The following GRM8 variants were observed in gnomAD, a reference collection of about 807,000 sequenced individuals.
GRM8 encodes the protein metabotropic glutamate receptor 8.
Under a neutral mutation model 87.2 loss-of-function variants are expected in GRM8, and 47 were observed. The observed-to-expected ratio is 0.54, with a 90% CI of 0.43 to 0.69. The LOEUF is 0.69. Among genes scored for constraint, GRM8 ranks in the 30% least tolerant of loss-of-function variants. The pLI, the probability that GRM8 is intolerant of heterozygous loss-of-function variation, is 0.00. For synonymous variants in GRM8, 396 were observed against 404.5 expected (o/e 0.98, Z 0.25); for missense variants, 1,019 against 1,139.2 (o/e 0.89, Z 1.52).
chr7:127,080,159 G>A (rs775971616), intron 3 of GRM8, among the ~76,000 whole-genome samples: 3 of 152,138 alleles, frequency 2.0e-5, no homozygotes, highest in Non-Finnish European at 4.4e-5. Context: ...TTGGGAAGGG[G>A]GAGGCAGAGG....
At chr7:126,920,157 G>T (rs527986559) in intron 3 of GRM8, among the ~76,000 whole-genome samples, 2 of 152,086 alleles carry the variant, frequency 1.3e-5, no homozygotes, top group Admixed American at 1.3e-4. Flanking sequence ...TCCATTCACC[G>T]TGTGAGAACA....
intron 7 of GRM8, among the ~76,000 whole-genome samples, chr7:126,623,630 C>T (rs1330115794): frequency 6.6e-6 from 1 of 152,178 alleles, no homozygotes; most frequent in East Asian, 1.9e-4. Flanking sequence ...TCTCATCTGG[C>T]CTCCTCTTCA....
chr7:126,718,065 T>C (rs538117475), intron 7 of GRM8, among the ~76,000 whole-genome samples: 2 of 151,700 alleles, frequency 1.3e-5, no homozygotes, highest in Non-Finnish European at 2.9e-5. Flanking sequence ...ACCCCGTCTC[T>C]ACTAAAAAAA....
At chr7:126,937,821 A>G (rs1471491665) in intron 3 of GRM8, among the ~76,000 whole-genome samples, 1 of 152,178 alleles carries the variant, frequency 6.6e-6, no homozygotes, top group Non-Finnish European at 1.5e-5. Flanking sequence ...AGAGGCCTAG[A>G]CATATCCCAG....
intron 2 of GRM8, among the ~76,000 whole-genome samples, chr7:127,143,029 AC>A (rs1463266887): frequency 2.0e-4 from 30 of 152,236 alleles, no homozygotes; most frequent in Non-Finnish European, 1.5e-5. Context: ...ACAGTGGAAA[AC>A]CCTAGAGGGG....
At chr7:126,617,172 T>C (rs1350067483) in intron 7 of GRM8, among the ~76,000 whole-genome samples, 2 of 152,148 alleles carry the variant, frequency 1.3e-5, no homozygotes, top group Admixed American at 1.3e-4. Flanking sequence ...AAAAAGTTTA[T>C]CCACCATGAT....
chr7:126,532,764 G>T (rs1175834427), intron 9 of GRM8, among the ~76,000 whole-genome samples, 188 bp downstream of exon 9: 12 of 110,966 alleles, frequency 1.1e-4, no homozygotes, highest in Non-Finnish European at 1.8e-4. Flanking sequence ...GACGGATGGA[G>T]ATATATATAT....
intron 6 of GRM8, among the ~76,000 whole-genome samples, chr7:126,776,313 A>C (rs751309020): frequency 1.2e-4 from 18 of 152,116 alleles, no homozygotes; most frequent in Admixed American, 3.9e-4. Context: ...AAATTGACAG[A>C]ATCTAACTAT....
chr7:126,508,594 ATTAT>A (rs1259040541), intron 9 of GRM8, among the ~76,000 whole-genome samples: 1 of 152,030 alleles, frequency 6.6e-6, no homozygotes, highest in Non-Finnish European at 1.5e-5. Flanking sequence ...GTGCAGTAAA[ATTAT>A]TTGTTGTATT....
At chr7:127,120,871 A>C (rs1827048297) in intron 2 of GRM8, among the ~76,000 whole-genome samples, 1 of 152,176 alleles carries the variant, frequency 6.6e-6, no homozygotes, top group South Asian at 2.1e-4. Context: ...ATTATGTTTC[A>C]GTTCTTGCAT....
chr7:126,706,821 A>C (rs1162566990), intron 7 of GRM8, among the ~76,000 whole-genome samples: 2 of 152,176 alleles, frequency 1.3e-5, no homozygotes, highest in Admixed American at 1.3e-4. Flanking sequence ...CATTATGTGA[A>C]TTCTTCACAT....
chr7:126,639,088 CG>C (rs918101500), intron 7 of GRM8, among the ~76,000 whole-genome samples: 10 of 152,300 alleles, frequency 6.6e-5, no homozygotes, highest in South Asian at 6.2e-4. Flanking sequence ...ACCTAAAATG[CG>C]TATCTGTCTT....
chr7:126,557,267 C>T (rs1793248562), intron 8 of GRM8, among the ~76,000 whole-genome samples: 2 of 152,172 alleles, frequency 1.3e-5, no homozygotes, highest in Admixed American at 1.3e-4. Context: ...TAGGGTAAGA[C>T]TGGATAATGC....
intron 3 of GRM8, among the ~76,000 whole-genome samples, chr7:127,028,703 C>T (rs1042166075): frequency 1.3e-5 from 2 of 152,100 alleles, no homozygotes; most frequent in Admixed American, 1.3e-4. Context: ...TTTTTTATTG[C>T]ATCTATTTGA....
intron 7 of GRM8, among the ~76,000 whole-genome samples, chr7:126,756,393 A>G (rs1405949466): frequency 1.3e-5 from 2 of 152,108 alleles, no homozygotes; most frequent in Non-Finnish European, 2.9e-5. Flanking sequence ...CAAAGGCACT[A>G]TTTATAAGAG....
chr7:127,075,921 T>C, intron 3 of GRM8: 1 of 309,326 alleles, frequency 3.2e-6, no homozygotes, highest in Non-Finnish European at 6.4e-6. Flanking sequence ...CTTATTCACC[T>C]TTATACCACC....
intron 8 of GRM8, among the ~76,000 whole-genome samples, chr7:126,585,531 C>A (rs1461358576): frequency 1.3e-5 from 2 of 152,064 alleles, no homozygotes; most frequent in Admixed American, 6.6e-5. Context: ...AAATTGAACG[C>A]AAATCAATAA....
At chr7:127,091,663 C>A (rs949455041) in intron 3 of GRM8, among the ~76,000 whole-genome samples, 5 of 136,888 alleles carry the variant, frequency 3.7e-5, no homozygotes, top group African/African-American at 1.4e-4. Context: ...ACCCCACCAT[C>A]CCACTGATCA....
rs528661950 is a variant in GRM8 at position 126,803,429 on chromosome 7, T to C, written c.1157-33364A>G. On this transcript the variant is annotated intron_variant, in intron 6 of 10. Transcript: ENST00000339582. ...GAGGAGGGAACTCTAATCATAAACG[T>C]ATATACTTATATAGAAAGGTAATGA... Among the ~76,000 whole-genome samples, 4 of 152,328 alleles carry C rather than the reference T, an allele frequency of 2.6e-5. No homozygotes were observed. In the South Asian group the frequency reaches 6.2e-4, roughly 24 times the overall value.
Sources: gnomAD v4.1 joint callset for allele counts (sites outside exome capture counted in the v4.1 genomes callset) on GRCh38, gnomAD v4.1.1 for gene constraint, MANE v1.5 for transcripts, NCBI Gene and HGNC (gene_info 2026-07-23, HGNC 2026-07-21) for gene names.